DPY19L3: variants seen among roughly 807,000 people sequenced by gnomAD.
DPY19L3 encodes protein C-mannosyl-transferase DPY19L3.
DPY19L3 carries 51 observed loss-of-function variants against 92.3 expected under a neutral mutation model. The observed-to-expected ratio is 0.55, with a 90% CI of 0.44 to 0.70. The LOEUF (loss-of-function observed/expected upper bound fraction) is 0.70, where lower values mean the gene tolerates loss of function less well. DPY19L3 is among the 30% of genes least tolerant of loss of function. The pLI is 0.00. For missense variants in DPY19L3, 706 were observed against 855.9 expected (o/e 0.82, Z 2.18); for synonymous variants, 309 against 315.2 (o/e 0.98, Z 0.21).
At chr19:32,430,345 C>T (rs948813554) in intron 3 of DPY19L3, among the ~76,000 whole-genome samples, 23 of 152,098 alleles carry the variant, frequency 1.5e-4, no homozygotes, top group Admixed American at 1.2e-3. Context: ...ATCATGCCAC[C>T]GTACTCAGCC....
intron 15 of DPY19L3, among the ~76,000 whole-genome samples, chr19:32,465,159 C>G (rs1338586749): frequency 6.6e-6 from 1 of 152,176 alleles, no homozygotes; most frequent in Non-Finnish European, 1.5e-5. Flanking sequence ...ATGTATCTTA[C>G]TTTAAGCTCC....
chr19:32,408,711 G>A (rs1968070846), intron 2 of DPY19L3, among the ~76,000 whole-genome samples: 1 of 151,690 alleles, frequency 6.6e-6, no homozygotes, highest in Admixed American at 6.6e-5. Context: ...TACCTTGGGT[G>A]AGTTTCCATT....
At chr19:32,406,929 CCTCTT>C (rs1487347399) in intron 1 of DPY19L3, among the ~76,000 whole-genome samples, 3 of 151,758 alleles carry the variant, frequency 2.0e-5, no homozygotes, top group East Asian at 1.9e-4. Flanking sequence ...GTTAAACACT[CCTCTT>C]CTCCCTCTCT....
At chr19:32,449,138 T>C (rs1969613696) in intron 8 of DPY19L3, among the ~76,000 whole-genome samples, 1 of 152,032 alleles carries the variant, frequency 6.6e-6, no homozygotes, top group African/African-American at 2.4e-5. Flanking sequence ...TATAAACCAA[T>C]GAGAAAAGGG....
At position 32,442,533 on chromosome 19, in the gene DPY19L3, G is replaced by A. The variant is rs537985485; in HGVS notation, c.855+2623G>A. ...TATATAACAAACATAAGAGGAATTTGAGAGGTAGAGAGAAGCAGACTGCCT... is the reference window on the plus strand; with the variant it reads ...TATATAACAAACATAAGAGGAATTTAAGAGGTAGAGAGAAGCAGACTGCCT... On this transcript the variant is annotated intron_variant, in intron 8 of 18. Transcript: ENST00000392250. 1.2e-4 allele frequency among the ~76,000 whole-genome samples: 19 copies of A among 152,282 alleles called. No individual in the cohort carries two copies. The South Asian group carries it at 3.9e-3, about 32-fold the overall frequency.
chr19:32,463,018 CATA>C (rs1371922256), intron 12 of DPY19L3, among the ~76,000 whole-genome samples: 1 of 151,416 alleles, frequency 6.6e-6, no homozygotes, highest in Non-Finnish European at 1.5e-5. Context: ...GAAAAATACT[CATA>C]ATAACTGGTA....
chr19:32,451,209 G>A (rs1969688316), intron 8 of DPY19L3, among the ~76,000 whole-genome samples: 1 of 152,208 alleles, frequency 6.6e-6, no homozygotes, highest in Non-Finnish European at 1.5e-5. Flanking sequence ...TAAAATTTAA[G>A]TTTTCACAGA....
At chr19:32,425,110 C>T (rs943118094) in intron 3 of DPY19L3, among the ~76,000 whole-genome samples, 13 of 152,166 alleles carry the variant, frequency 8.5e-5, no homozygotes, top group African/African-American at 3.1e-4. Context: ...ATGTCTAAAA[C>T]TATAAAACAT....
chr19:32,481,006 C>T, intron 18 of DPY19L3: 1 of 382,056 alleles, frequency 2.6e-6, no homozygotes, highest in Non-Finnish European at 4.6e-6. Flanking sequence ...CCCTCTCCTA[C>T]TGAGTGTCCT....
chr19:32,434,052 G>A (rs901033044), intron 4 of DPY19L3, among the ~76,000 whole-genome samples: 2 of 152,102 alleles, frequency 1.3e-5, no homozygotes, highest in African/African-American at 4.8e-5. Flanking sequence ...TACAAGAAAA[G>A]CAGGCTTAGT....
chr19:32,468,704 T>C, intron 15 of DPY19L3, 27 bp from the exon 16 acceptor site: 4 of 1,610,844 alleles, frequency 2.5e-6, no homozygotes, highest in Non-Finnish European at 3.4e-6. Flanking sequence ...GGATTTTGTT[T>C]TTGTTTTGTT....
intron 10 of DPY19L3, among the ~76,000 whole-genome samples, chr19:32,457,626 G>A (rs1969907538): frequency 6.6e-6 from 1 of 152,132 alleles, no homozygotes. Flanking sequence ...CACCCCTTCA[G>A]GGTTACAACT....
rs1179417508 is a variant in DPY19L3 at position 32,480,322 on chromosome 19, G to A, written c.1831-77G>A. 2.0e-6 allele frequency: 3 copies of A among 1,501,232 alleles called. No individual in the cohort carries two copies. The East Asian group carries it at 6.9e-5, about 35-fold the overall frequency. 93.0% of individuals were successfully genotyped at this position (1,501,232 alleles called of 1,614,324 possible). ...TGTTAGGTCTTAGACTCAGCCCTGTGGAAGGTTACATCACATAGTTAACTC... is the reference window on the plus strand; with the variant it reads ...TGTTAGGTCTTAGACTCAGCCCTGTAGAAGGTTACATCACATAGTTAACTC... On this transcript the variant is annotated intron_variant, in intron 17 of 18. Coordinates refer to ENST00000392250, the MANE Select transcript of DPY19L3 (RefSeq NM_001172774.2).
At chr19:32,409,861 C>T (rs1968115908) in intron 2 of DPY19L3, among the ~76,000 whole-genome samples, 1 of 152,182 alleles carries the variant, frequency 6.6e-6, no homozygotes, top group African/African-American at 2.4e-5. Context: ...ACCACACCAC[C>T]TCCCATTAGG....
At chr19:32,462,879 T>C (rs1970082472) in intron 12 of DPY19L3, among the ~76,000 whole-genome samples, 1 of 152,218 alleles carries the variant, frequency 6.6e-6, no homozygotes, top group Non-Finnish European at 1.5e-5. Flanking sequence ...TAGCCGTATT[T>C]GGTAAAAGTC....
At chr19:32,421,377 C>T (rs1187722532) in intron 3 of DPY19L3, among the ~76,000 whole-genome samples, 1 of 152,128 alleles carries the variant, frequency 6.6e-6, no homozygotes, top group Non-Finnish European at 1.5e-5. Context: ...AGGTGGCTCA[C>T]GCCTGTAATC....
intron 8 of DPY19L3, among the ~76,000 whole-genome samples, chr19:32,447,821 TAGATAGATAGA>T (rs1568344106): frequency 0.028 from 2,851 of 101,634 alleles, 75 homozygotes; most frequent in African/African-American, 0.06. Flanking sequence ...ATAGATTAGA[TAGATAGATAGA>T]TAGATAGATA....
intron 3 of DPY19L3, among the ~76,000 whole-genome samples, chr19:32,427,520 A>G (rs1968807663): frequency 6.6e-6 from 1 of 152,192 alleles, no homozygotes; most frequent in Non-Finnish European, 1.5e-5. Flanking sequence ...TTCCCATTGA[A>G]TACTCCTGCA....
At chr19:32,461,620 C>T (rs1970043131) in intron 12 of DPY19L3, among the ~76,000 whole-genome samples, 1 of 152,064 alleles carries the variant, frequency 6.6e-6, no homozygotes, top group Admixed American at 6.5e-5. Flanking sequence ...ATGGTGAGAA[C>T]TGCCTTAGAG....
Sources: gnomAD v4.1 joint callset for allele counts (sites outside exome capture counted in the v4.1 genomes callset) on GRCh38, gnomAD v4.1.1 for gene constraint, MANE v1.5 for transcripts, NCBI Gene and HGNC (gene_info 2026-07-23, HGNC 2026-07-21) for gene names.